Variants in CYP2C19 observed in about 807,000 individuals in gnomAD.
The protein encoded by CYP2C19 is cytochrome P450 2C19.
In CYP2C19, 59 loss-of-function variants were observed where a neutral mutation model predicts 40.9. The ratio of observed to expected loss-of-function variants is 1.44; its 90% CI spans 1.17 to 1.79. The LOEUF is 1.79. Among genes scored for constraint, CYP2C19 ranks in the 40% most tolerant of loss-of-function variants. CYP2C19 has a pLI of 0.00. For missense variants in CYP2C19, 754 were observed against 596.9 expected, an observed-to-expected ratio of 1.26 and a Z score of -2.74; for synonymous variants, 253 against 208.7, an observed-to-expected ratio of 1.21 and a Z score of -1.83.
intron 6 of CYP2C19, among the ~76,000 whole-genome samples, chr10:94,837,678 G>C (rs894558592): frequency 6.6e-6 from 1 of 152,156 alleles, no homozygotes; most frequent in Middle Eastern, 3.2e-3. Context: ...CGAGACAGGA[G>C]AGTAAGACTG....
intron 3 of CYP2C19, among the ~76,000 whole-genome samples, chr10:94,779,712 C>G (rs543247234): frequency 5.3e-5 from 8 of 152,000 alleles, no homozygotes; most frequent in African/African-American, 1.4e-4. Context: ...AGGCACCCAC[C>G]ACCACACTCG....
intron 3 of CYP2C19, 45 bp downstream of exon 3, chr10:94,775,584 C>T (rs561456676): frequency 5.0e-6 from 8 of 1,613,718 alleles, no homozygotes; most frequent in Admixed American, 3.3e-5. Context: ...GGACTGCTCT[C>T]CTCTCTACTG....
chr10:94,786,479 A>ATCATTGCT (rs1295462441), intron 5 of CYP2C19, among the ~76,000 whole-genome samples: 2 of 152,042 alleles, frequency 1.3e-5, no homozygotes, highest in Non-Finnish European at 2.9e-5. Context: ...TTTAGTTATG[A>ATCATTGCT]TCATTGCTTG....
At chr10:94,764,685 G>T (rs1848217148) in intron 1 of CYP2C19, among the ~76,000 whole-genome samples, 1 of 152,116 alleles carries the variant, frequency 6.6e-6, no homozygotes, top group Non-Finnish European at 1.5e-5. Context: ...GGTCAGTCCA[G>T]GTGTCCTTGG....
chr10:94,804,305 G>T (rs534923541), intron 5 of CYP2C19, among the ~76,000 whole-genome samples: 1 of 152,166 alleles, frequency 6.6e-6, no homozygotes, highest in Admixed American at 6.5e-5. Flanking sequence ...ATGTGGGAGG[G>T]CCCAATTCCA....
At chr10:94,793,425 A>G (rs1030905940) in intron 5 of CYP2C19, among the ~76,000 whole-genome samples, 23 of 152,242 alleles carry the variant, frequency 1.5e-4, no homozygotes, top group Middle Eastern at 3.4e-3. Context: ...CCTTTGGAGG[A>G]GAAGAGGTGC....
intron 5 of CYP2C19, among the ~76,000 whole-genome samples, chr10:94,803,701 C>T (rs1162462681): frequency 6.6e-6 from 1 of 152,282 alleles, no homozygotes; most frequent in South Asian, 2.1e-4. Context: ...AAGTACTCTG[C>T]AGGGGTAAGG....
intron 1 of CYP2C19, among the ~76,000 whole-genome samples, chr10:94,767,612 T>C (rs1379861469): frequency 1.3e-5 from 2 of 152,204 alleles, no homozygotes; most frequent in East Asian, 1.9e-4. Flanking sequence ...GGGATTATTC[T>C]TTTGGCACAC....
intron 6 of CYP2C19, among the ~76,000 whole-genome samples, chr10:94,828,762 T>A (rs1199485474): frequency 1.3e-5 from 2 of 152,116 alleles, no homozygotes; most frequent in Non-Finnish European, 2.9e-5. Context: ...CTAGACTCGA[T>A]GGTCTTTACA....
chr10:94,822,451 C>T (rs1256821546), intron 6 of CYP2C19, among the ~76,000 whole-genome samples: 3 of 152,174 alleles, frequency 2.0e-5, no homozygotes, highest in Admixed American at 2.0e-4. Context: ...ATATTTACCA[C>T]ATTTTCCTTA....
chr10:94,774,968 C>G, intron 1 of CYP2C19, 90 bp from the exon 2 acceptor site: 1 of 1,378,004 alleles, frequency 7.3e-7, no homozygotes, highest in Non-Finnish European at 1.0e-6. Flanking sequence ...TAAAAGCATA[C>G]AAATACAATG....
chr10:94,765,347 C>T (rs538086862), intron 1 of CYP2C19, among the ~76,000 whole-genome samples: 1 of 152,116 alleles, frequency 6.6e-6, no homozygotes, highest in East Asian at 1.9e-4. Flanking sequence ...AGGTGCCAGT[C>T]CAGTTAGTGG....
intron 5 of CYP2C19, among the ~76,000 whole-genome samples, chr10:94,798,188 G>T (rs1848714803): frequency 6.6e-6 from 1 of 151,964 alleles, no homozygotes; most frequent in Non-Finnish European, 1.5e-5. Context: ...CTAGTATATT[G>T]CATGTTTGTT....
intron 7 of CYP2C19, among the ~76,000 whole-genome samples, chr10:94,845,790 T>A (rs1242515487): frequency 1.3e-5 from 2 of 152,130 alleles, no homozygotes; most frequent in Non-Finnish European, 2.9e-5. Context: ...GAATATTTTT[T>A]AAAACAAAAT....
intron 3 of CYP2C19, among the ~76,000 whole-genome samples, chr10:94,779,519 A>G (rs1036053084): frequency 4.0e-5 from 6 of 150,710 alleles, no homozygotes; most frequent in African/African-American, 9.7e-5. Flanking sequence ...AGAAGAAACT[A>G]AAAACTCCAT....
chr10:94,789,933 G>A (rs1848585352), intron 5 of CYP2C19, among the ~76,000 whole-genome samples: 1 of 152,112 alleles, frequency 6.6e-6, no homozygotes, highest in Admixed American at 6.5e-5. Context: ...CTTACCTTGG[G>A]CAGTATGGCC....
chr10:94,816,573 C>G (rs1221164413), intron 5 of CYP2C19, among the ~76,000 whole-genome samples: 1 of 150,808 alleles, frequency 6.6e-6, no homozygotes, highest in East Asian at 2.0e-4. Flanking sequence ...AAAATGTAGT[C>G]TCTTTCTTTT....
chr10:94,772,526 A>T (rs879762447), intron 1 of CYP2C19, among the ~76,000 whole-genome samples: 1 of 152,184 alleles, frequency 6.6e-6, no homozygotes, highest in Admixed American at 6.5e-5. Context: ...TAGGATAGAT[A>T]GGCAAGTCTC....
chr10:94,832,415 T>C (rs1231369015), intron 6 of CYP2C19, among the ~76,000 whole-genome samples: 2 of 152,166 alleles, frequency 1.3e-5, no homozygotes, highest in Non-Finnish European at 2.9e-5. Context: ...ACTTATTCAC[T>C]ACCATGACAA....
Sources: gnomAD v4.1 joint callset for allele counts (sites outside exome capture counted in the v4.1 genomes callset) on GRCh38, gnomAD v4.1.1 for gene constraint, MANE v1.5 for transcripts, NCBI Gene and HGNC (gene_info 2026-07-23, HGNC 2026-07-21) for gene names.